FSIP2: variants seen among roughly 807,000 people sequenced by gnomAD.
FSIP2 encodes fibrous sheath interacting protein 2.
In FSIP2, 367 loss-of-function variants were observed where a neutral mutation model predicts 510.5. The observed-to-expected ratio is 0.72, with a 90% CI of 0.66 to 0.78. The LOEUF is 0.78. FSIP2 is among the 30% of genes least tolerant of loss of function. The probability of loss-of-function intolerance (pLI) is 0.00; values close to 1 mark genes in which losing one functional copy is unlikely to be tolerated. For synonymous variants in FSIP2, 2,601 were observed against 2,732.2 expected (o/e 0.95, Z 1.50); for missense variants, 7,594 against 7,901.7 (o/e 0.96, Z 1.48).
At position 185,793,937 on chromosome 2, in the gene FSIP2, A is replaced by G; in HGVS notation, c.6801A>G (p.Glu2267=). 1.3e-6 allele frequency: 2 copies of G among 1,524,986 alleles called. No homozygotes were observed. Among genetic ancestry groups the G allele is most frequent in the South Asian group, 1.2e-5 (1 of 81,638 alleles). The allele number at this position is 1,524,986 out of a possible 1,614,324, so 94.5% of individuals were successfully genotyped here. ...IFKRLESFAT[E]RIDSLITLAF... ...AACGTTTGGAATCTTTTGCCACAGA[A>G]AGAATAGATTCATTAATTACCCTTG... Residue 2267 remains glutamate (E), a synonymous_variant, in exon 16 of 23, where the codon GAA becomes GAG. Coordinates refer to ENST00000424728, the MANE Select transcript of FSIP2 (RefSeq NM_173651.4).
rs780320597 is a variant in FSIP2 at position 185,806,507 on chromosome 2, T to G, written c.17201T>G (p.Val5734Gly). 1 of 1,601,670 alleles carries G rather than the reference T, an allele frequency of 6.2e-7. No individual in the cohort carries two copies. The highest frequency in any genetic ancestry group is 1.1e-5 in the South Asian group (1 of 88,616). The change falls in exon 17 of 23, where the codon GTA becomes GGA. Residue 5734 changes from valine (V) to glycine (G), a missense_variant. By Grantham distance (109) the Val-to-Gly change is moderately radical. Coordinates refer to ENST00000424728, the MANE Select transcript of FSIP2 (RefSeq NM_173651.4). ...GCACAGTCTGTTACAACAAAAAAAG[T>G]ATCCTCCTCAACTAACAAAAATATC... The part of the protein sequence containing the change: ...DSAQSVTTKK[V>G]SSSTNKNISA...
Position 185,792,199 on chromosome 2 carries a change from A to T in FSIP2, c.5063A>T (p.Asp1688Val), listed in dbSNP as rs1559026953. Residue 1688 changes from aspartate (D) to valine (V), a missense_variant, in exon 16 of 23, where the codon GAT (aspartate) becomes GTT (valine). Coordinates refer to ENST00000424728, the MANE Select transcript of FSIP2 (RefSeq NM_173651.4). ...AAGTATGTAGTCAAGTTAATTTTAG[A>T]TGCAGTATCTTCCGATATGTTTAAT... ...ILKYVVKLIL[D>V]AVSSDMFNEM... 1 of 1,532,294 alleles carries T rather than the reference A, an allele frequency of 6.5e-7. No homozygotes were observed. The highest frequency in any genetic ancestry group is 2.4e-5 in the East Asian group (1 of 40,840). 94.9% of individuals were successfully genotyped at this position (1,532,294 alleles called of 1,614,324 possible).
Position 185,743,150 on chromosome 2 carries a change from T to C in FSIP2, c.243T>C (p.Tyr81=), listed in dbSNP as rs2105528056. 6.7e-7 allele frequency: 1 copy of C among 1,488,590 alleles called. No homozygotes were observed. Among genetic ancestry groups the C allele is most frequent in the Non-Finnish European group, 8.8e-7 (1 of 1,130,820 alleles). The allele number at this position is 1,488,590 out of a possible 1,614,324, so 92.2% of individuals were successfully genotyped here. A position where few individuals can be genotyped will look rare whatever the true frequency, so the allele number is the denominator to read the frequency against. ...GTTTGCAGCTTTTTCGACCTTCTTA[T>C]GGTTTTAACCTGACTGATCCCTATT... ...NFGEKLFRPS[Y]GFNLTDPYCR... Residue 81 remains tyrosine, a synonymous_variant, in exon 3 of 23, where the codon TAT becomes TAC. Transcript: ENST00000424728.
chr2:185,757,714 T>A (rs976694853), intron 9 of FSIP2, among the ~76,000 whole-genome samples: 5 of 151,304 alleles, frequency 3.3e-5, no homozygotes, highest in African/African-American at 1.2e-4. Flanking sequence ...CAAGCAGAGT[T>A]TGAAGTCAAT....
At chr2:185,816,197 G>T (rs1476649644) in intron 19 of FSIP2, among the ~76,000 whole-genome samples, 2 of 102,366 alleles carry the variant, frequency 2.0e-5, no homozygotes, top group Admixed American at 9.1e-5. Flanking sequence ...GAAAAATCTA[G>T]TGATTTTTTT....
chr2:185,794,520 A>G lies in FSIP2; in HGVS notation c.7384A>G (p.Ile2462Val). The G allele has an allele frequency of 6.5e-7, 1 of 1,528,288 alleles. No individual in the cohort carries two copies. Among genetic ancestry groups the G allele is most frequent in the East Asian group, 2.5e-5 (1 of 40,778 alleles). 94.7% of individuals were successfully genotyped at this position (1,528,288 alleles called of 1,614,324 possible). A position where few individuals can be genotyped will look rare whatever the true frequency, so the allele number is the denominator to read the frequency against. Residue 2462 changes from isoleucine to valine, a missense_variant, in exon 16 of 23, where the codon ATA becomes GTA. Physicochemically the swap from Ile to Val is conservative, Grantham distance 29. Transcript: ENST00000424728. ...NQMILENKRQ[I>V]IVLEEIFMRN... ...AATGATATTGGAAAACAAAAGGCAG[A>G]TAATTGTTTTGGAAGAAATATTTAT...
intron 21 of FSIP2, among the ~76,000 whole-genome samples, chr2:185,829,318 G>A (rs913793261): frequency 1.3e-5 from 2 of 151,926 alleles, no homozygotes; most frequent in Non-Finnish European, 2.9e-5. Flanking sequence ...ACTAAACACT[G>A]TGGGTAACTA....
chr2:185,805,748 C>A lies in FSIP2; in HGVS notation c.16442C>A (p.Ser5481Ter). The A allele has an allele frequency of 6.2e-7, 1 of 1,600,224 alleles. No homozygotes were observed. Residue 5481 changes from serine to a stop codon, truncating the protein, a stop_gained, in exon 17 of 23, where the codon TCA becomes TAA. Coordinates refer to ENST00000424728, the MANE Select transcript of FSIP2 (RefSeq NM_173651.4). LOFTEE classifies it high-confidence loss of function. ...AAAAGTTTTAAAACCAAGGACACAT[C>A]AGTGAAAAAAGGTGACATCCAAAAT... ...RKKSFKTKDT[S>*]VKKGDIQNPV...
chr2:185,800,890 G>T lies in FSIP2; in HGVS notation c.11584G>T (p.Ala3862Ser). The change falls in exon 17 of 23, where the codon GCT (alanine) becomes TCT (serine). Residue 3862 changes from alanine to serine, a missense_variant. Ala to Ser is a moderately conservative substitution (Grantham distance 99, BLOSUM62 1). Coordinates refer to ENST00000424728, the MANE Select transcript of FSIP2 (RefSeq NM_173651.4). ...MDKLSHSIQQ[A>S]PESLPFANKH... is the part of the protein sequence containing the mutation. ...CAAATTATCTCACAGCATACAACAA[G>T]CTCCGGAAAGTCTACCTTTTGCAAA... The T allele has an allele frequency of 2.0e-6, 3 of 1,533,780 alleles. No individual in the cohort carries two copies. Among genetic ancestry groups the T allele is most frequent in the South Asian group, 2.4e-5 (2 of 83,894 alleles).
rs1160124873 is a variant in FSIP2 at position 185,790,617 on chromosome 2, T to C, written c.3481T>C (p.Ser1161Pro). The C allele has an allele frequency of 2.6e-6, 4 of 1,533,954 alleles. No individual in the cohort carries two copies. The East Asian group carries it at 7.3e-5, about 28-fold the overall frequency. The change falls in exon 16 of 23, where the codon TCA (serine) becomes CCA (proline). Residue 1161 changes from serine to proline, a missense_variant. Ser to Pro is a moderately conservative substitution (Grantham distance 74). Coordinates refer to ENST00000424728, the MANE Select transcript of FSIP2 (RefSeq NM_173651.4). ...ATGGATAGACCAGATGTTTTCTGTT[T>C]CAGAAATCAGTACAGTGGCTCAAGA... is the stretch of plus-strand genomic sequence containing the variant. ...QEWIDQMFSV[S>P]EISTVAQEIT... is the part of the protein sequence containing the mutation.
intron 13 of FSIP2, among the ~76,000 whole-genome samples, chr2:185,782,122 A>C (rs1692864541): frequency 6.6e-6 from 1 of 152,102 alleles, no homozygotes; most frequent in Non-Finnish European, 1.5e-5. Flanking sequence ...AGGCAATGTC[A>C]GTTCCTTTCT....
Position 185,800,442 on chromosome 2 carries a change from C to T in FSIP2, c.11136C>T (p.Cys3712=), listed in dbSNP as rs1337744427. 1.3e-5 allele frequency: 20 copies of T among 1,529,602 alleles called. No homozygotes were observed. The highest frequency in any genetic ancestry group is 1.7e-5 in the Non-Finnish European group (19 of 1,143,302). 94.8% of individuals were successfully genotyped at this position (1,529,602 alleles called of 1,614,324 possible). A position where few individuals can be genotyped will look rare whatever the true frequency, so the allele number is the denominator to read the frequency against. The change falls in exon 17 of 23, where the codon TGC becomes TGT. Residue 3712 remains cysteine, a synonymous_variant. Coordinates refer to ENST00000424728, the MANE Select transcript of FSIP2 (RefSeq NM_173651.4). ...IVSDLFSPDE[C]LDTGMDSGKI... ...CAGATTTATTTTCACCAGATGAATGCCTAGATACGGGTATGGATTCTGGTA... is the reference window on the plus strand; with the variant it reads ...CAGATTTATTTTCACCAGATGAATGTCTAGATACGGGTATGGATTCTGGTA...
At chr2:185,784,959 A>G (rs187185374) in intron 14 of FSIP2, among the ~76,000 whole-genome samples, 51 of 152,190 alleles carry the variant, frequency 3.4e-4, no homozygotes, top group East Asian at 1.9e-4. Context: ...ATAGTCATCA[A>G]TGAAGCTTTT....
chr2:185,755,007 G>A (rs1295518405), intron 8 of FSIP2, among the ~76,000 whole-genome samples: 1 of 151,312 alleles, frequency 6.6e-6, no homozygotes, highest in Non-Finnish European at 1.5e-5. Flanking sequence ...TTACCTTTCC[G>A]ACTTCTCTGC....
chr2:185,801,158 A>C lies in FSIP2; in HGVS notation c.11852A>C (p.Glu3951Ala), dbSNP rs1417295181. 5.2e-6 allele frequency: 8 copies of C among 1,534,020 alleles called. No homozygotes were observed. Among genetic ancestry groups the C allele is most frequent in the Non-Finnish European group, 7.0e-6 (8 of 1,145,500 alleles). ...CCTTTTGAAAGACAGAGAACAAAGG[A>C]AATGGATAAGGTAGCCATTCATAAT... is the stretch of plus-strand genomic sequence containing the variant. Reference protein sequence around the residue: ...VSPFERQRTKEMDKVAIHNKL... With the variant: ...VSPFERQRTKAMDKVAIHNKL... Residue 3951 changes from glutamate (E) to alanine (A), a missense_variant, in exon 17 of 23, where the codon GAA (glutamate) becomes GCA (alanine). Transcript: ENST00000424728.
chr2:185,768,862 T>G (rs1035684970), intron 13 of FSIP2, among the ~76,000 whole-genome samples: 1 of 152,146 alleles, frequency 6.6e-6, no homozygotes, highest in Non-Finnish European at 1.5e-5. Flanking sequence ...AGCTCCCACT[T>G]ATAAGTGAGA....
intron 13 of FSIP2, among the ~76,000 whole-genome samples, chr2:185,779,115 CTTTAT>C (rs1692788055): frequency 6.6e-6 from 1 of 151,912 alleles, no homozygotes; most frequent in South Asian, 2.1e-4. Flanking sequence ...CTGGATTTTG[CTTTAT>C]TTTTATTGTC....
At chr2:185,825,485 T>C (rs1478828415) in intron 20 of FSIP2, among the ~76,000 whole-genome samples, 1 of 151,740 alleles carries the variant, frequency 6.6e-6, no homozygotes, top group Non-Finnish European at 1.5e-5. Context: ...TAATATTCAC[T>C]ATTTGGGTGA....
chr2:185,828,275 C>A, intron 21 of FSIP2, 76 bp downstream of exon 21: 3 of 823,252 alleles, frequency 3.6e-6, no homozygotes, highest in South Asian at 2.9e-5. Flanking sequence ...ATAGTTCAGT[C>A]AGGGACTGTG....
Sources: allele counts gnomAD v4.1 joint callset (sites outside exome capture counted in the v4.1 genomes callset), GRCh38; gene constraint gnomAD v4.1.1; transcripts MANE v1.5; gene names NCBI Gene and HGNC (gene_info 2026-07-23, HGNC 2026-07-21).